The following NRP1 variants were observed in gnomAD, a reference collection of about 807,000 sequenced individuals.
The protein encoded by NRP1 is neuropilin 1.
A neutral mutation model predicts 106.7 loss-of-function variants in NRP1; 35 were observed. The ratio of observed to expected loss-of-function variants is 0.33; its 90% CI spans 0.25 to 0.43. The LOEUF is 0.43. Ranked by LOEUF, NRP1 falls within the 20% of genes least tolerant of loss-of-function variation. NRP1 has a pLI of 1.00. For synonymous variants in NRP1, 437 were observed against 417.9 expected, an observed-to-expected ratio of 1.05 and a Z score of -0.56; for missense variants, 1,024 against 1,170.4, an observed-to-expected ratio of 0.87 and a Z score of 1.83.
intron 2 of NRP1, among the ~76,000 whole-genome samples, chr10:33,272,219 A>C (rs999908431): frequency 2.6e-5 from 4 of 152,230 alleles, no homozygotes; most frequent in Non-Finnish European, 5.9e-5. Context: ...TCTCTAAATT[A>C]AAAATGACAT....
At chr10:33,268,576 A>G (rs1489703454) in intron 3 of NRP1, among the ~76,000 whole-genome samples, 2 of 152,230 alleles carry the variant, frequency 1.3e-5, no homozygotes. Context: ...AAGGAACACA[A>G]AGAATTCTTC....
chr10:33,293,301 T>C (rs1240142775), intron 2 of NRP1, among the ~76,000 whole-genome samples: 1 of 152,216 alleles, frequency 6.6e-6, no homozygotes, highest in African/African-American at 2.4e-5. Context: ...ACTTCTTTAG[T>C]ACATATCTTG....
intron 11 of NRP1, 68 bp from the exon 12 acceptor site, chr10:33,197,777 T>G: frequency 1.2e-6 from 1 of 855,306 alleles, no homozygotes. Flanking sequence ...GAAAAATGTA[T>G]GCTTACAAAT....
At chr10:33,333,020 T>G (rs548943766) in intron 1 of NRP1, among the ~76,000 whole-genome samples, 2 of 152,280 alleles carry the variant, frequency 1.3e-5, no homozygotes, top group Admixed American at 6.5e-5. Flanking sequence ...GAGGACAGGG[T>G]TACTATAATT....
At position 33,334,243 on chromosome 10, in the gene NRP1, C is replaced by T. The variant is rs915451737; in HGVS notation, c.73+67G>A. On this transcript the variant is annotated intron_variant, in intron 1 of 16. Coordinates refer to ENST00000374867, the MANE Select transcript of NRP1 (RefSeq NM_003873.7). ...TGATCCCGGGAAGCCCCGCCTGAGC[C>T]CCGGTCCGGGGCGGGCAGCTGGGAG... is the stretch of plus-strand genomic sequence containing the variant. The T allele has an allele frequency of 8.3e-6, 12 of 1,448,424 alleles. No homozygotes were observed. In the African/African-American group the frequency reaches 1.4e-4, roughly 17 times the overall value. The allele number at this position is 1,448,424 out of a possible 1,614,324, so 89.7% of individuals were successfully genotyped here.
chr10:33,197,392 A>C (rs1362070877), intron 12 of NRP1, among the ~76,000 whole-genome samples: 1 of 152,186 alleles, frequency 6.6e-6, no homozygotes, highest in African/African-American at 2.4e-5. Context: ...CGTTTAAACA[A>C]AGTATGTTAC....
chr10:33,192,620 G>C (rs1487217366), intron 12 of NRP1, among the ~76,000 whole-genome samples: 2 of 152,152 alleles, frequency 1.3e-5, no homozygotes, highest in Non-Finnish European at 2.9e-5. Context: ...ACCACATTTA[G>C]TAATTTCTTT....
intron 11 of NRP1, chr10:33,201,589 C>G (rs895852224): frequency 1.3e-5 from 2 of 152,136 alleles, no homozygotes; most frequent in Non-Finnish European, 2.9e-5. Context: ...TTGAACTTGA[C>G]ATGTTACACA....
intron 7 of NRP1, among the ~76,000 whole-genome samples, chr10:33,223,494 G>A (rs991734050): frequency 1.3e-5 from 2 of 151,944 alleles, no homozygotes; most frequent in Non-Finnish European, 2.9e-5. Flanking sequence ...GTATGGTGGT[G>A]GTGCATGCCT....
At chr10:33,320,038 C>G (rs1340535533) in intron 2 of NRP1, among the ~76,000 whole-genome samples, 1 of 145,138 alleles carries the variant, frequency 6.9e-6, no homozygotes, top group Non-Finnish European at 1.5e-5. Flanking sequence ...CGGGGCCGGG[C>G]GTGGTGGCTC....
At position 33,256,297 on chromosome 10, in the gene NRP1, A is replaced by G; in HGVS notation, c.814+19T>C. 6.2e-7 allele frequency: 1 copy of G among 1,612,826 alleles called. No homozygotes were observed. The highest frequency in any genetic ancestry group is 8.5e-7 in the Non-Finnish European group (1 of 1,178,876). ...TTGAGTATTTACCACAGGGCTTTGC[A>G]AAATGAATAAACACTGACCTTCTGA... is the stretch of plus-strand genomic sequence containing the variant. On this transcript the variant is annotated intron_variant, in intron 5 of 16. Coordinates refer to ENST00000374867, the MANE Select transcript of NRP1 (RefSeq NM_003873.7).
At position 33,330,766 on chromosome 10, in the gene NRP1, A is replaced by T. The variant is rs1564496635; in HGVS notation, c.190T>A (p.Tyr64Asn). Reference protein sequence around the residue: ...CEWLIQAPDPYQRIMINFNPH... With the variant: ...CEWLIQAPDPNQRIMINFNPH... The stretch of plus-strand genomic sequence containing the variant: ...TTGAAGTTGATCATAATTCTCTGGT[A>T]TGGGTCCGGAGCCTGAATCAGCCAT... The change falls in exon 2 of 17, where the codon TAC becomes AAC. Residue 64 changes from tyrosine (Y) to asparagine (N), a missense_variant. Physicochemically the swap from Tyr to Asn is moderately radical, Grantham distance 143. Around this residue, in one of 5 missense-constraint regions of NRP1, gnomAD observed 279 missense variants for 327.4 expected, o/e 0.85. Coordinates refer to ENST00000374867, the MANE Select transcript of NRP1 (RefSeq NM_003873.7). The T allele has an allele frequency of 6.2e-7, 1 of 1,613,830 alleles. No individual in the cohort carries two copies. Among genetic ancestry groups the T allele is most frequent in the Middle Eastern group, 1.6e-4 (1 of 6,062 alleles).
chr10:33,197,644 T>C lies in NRP1; in HGVS notation c.1924+6A>G. ...AATCTGTCACATTTCGTATTTTATTTGATACCTGATTGTATGGTGCTGTCT... is the reference window on the plus strand; with the variant it reads ...AATCTGTCACATTTCGTATTTTATTCGATACCTGATTGTATGGTGCTGTCT... On this transcript the variant is annotated splice_donor_region_variant and intron_variant, in intron 12 of 16. Transcript: ENST00000374867. 1.3e-6 allele frequency: 2 copies of C among 1,597,090 alleles called. No homozygotes were observed. Among genetic ancestry groups the C allele is most frequent in the Non-Finnish European group, 1.7e-6 (2 of 1,171,030 alleles).
intron 1 of NRP1, among the ~76,000 whole-genome samples, chr10:33,333,717 CT>C (rs1848436728): frequency 6.6e-6 from 1 of 152,188 alleles, no homozygotes; most frequent in South Asian, 2.1e-4. Flanking sequence ...CTGCAACTAG[CT>C]TAGGGATTTT....
chr10:33,295,529 C>A (rs1180714625), intron 2 of NRP1, among the ~76,000 whole-genome samples: 1 of 152,018 alleles, frequency 6.6e-6, no homozygotes, highest in Non-Finnish European at 1.5e-5. Flanking sequence ...GCAAAAGAGC[C>A]AGATCCTGTC....
intron 15 of NRP1, among the ~76,000 whole-genome samples, chr10:33,183,245 A>G (rs1487975575): frequency 1.3e-5 from 2 of 151,966 alleles, no homozygotes; most frequent in African/African-American, 4.8e-5. Flanking sequence ...GATGGAGTTT[A>G]CAGTGAGCCA....
At chr10:33,252,430 C>T (rs548527147) in intron 6 of NRP1, among the ~76,000 whole-genome samples, 1 of 152,150 alleles carries the variant, frequency 6.6e-6, no homozygotes, top group Non-Finnish European at 1.5e-5. Flanking sequence ...ACCTGTAACA[C>T]GCGCCCACTG....
chr10:33,302,796 T>G (rs973722021), intron 2 of NRP1, among the ~76,000 whole-genome samples: 2 of 152,084 alleles, frequency 1.3e-5, no homozygotes, highest in Non-Finnish European at 2.9e-5. Flanking sequence ...ACCTTGAGGG[T>G]CTCAGAGGTT....
At chr10:33,306,355 G>GGTGTGT (rs61242197) in intron 2 of NRP1, among the ~76,000 whole-genome samples, 52,513 of 147,928 alleles carry the variant, frequency 0.35, 10,205 homozygotes, top group Admixed American at 0.49. Flanking sequence ...GGGTCAGAAG[G>GGTGTGT]GTGTGTGTGT....
Sources: gnomAD v4.1 joint callset for allele counts (sites outside exome capture counted in the v4.1 genomes callset) on GRCh38, gnomAD v4.1.1 for gene constraint, gnomAD v4.1.1 regional missense constraint, MANE v1.5 for transcripts, NCBI Gene and HGNC (gene_info 2026-07-23, HGNC 2026-07-21) for gene names.